PLA2G4A: variants seen among roughly 807,000 people sequenced by gnomAD.
The protein encoded by PLA2G4A is cytosolic phospholipase A2.
A neutral mutation model predicts 81.9 loss-of-function variants in PLA2G4A; 40 were observed. That is an observed-to-expected ratio of 0.49 (90% CI 0.38 to 0.64). The LOEUF (loss-of-function observed/expected upper bound fraction) is 0.64. Ranked by LOEUF, PLA2G4A falls within the 30% of genes least tolerant of loss-of-function variation. The pLI is 0.00. For synonymous variants in PLA2G4A, 302 were observed against 296.9 expected (o/e 1.02, Z -0.18); for missense variants, 715 against 905.1 (o/e 0.79, Z 2.69).
At chr1:186,948,908 C>G (rs921419521) in intron 12 of PLA2G4A, among the ~76,000 whole-genome samples, 1 of 152,132 alleles carries the variant, frequency 6.6e-6, no homozygotes, top group African/African-American at 2.4e-5. Context: ...CAAGAGGACT[C>G]TGAGGACTCC....
intron 8 of PLA2G4A, among the ~76,000 whole-genome samples, chr1:186,934,443 C>CACATATATAT (rs372931067): frequency 1.0e-5 from 1 of 99,564 alleles, no homozygotes; most frequent in Non-Finnish European, 1.9e-5. Flanking sequence ...TAAATGTGCA[C>CACATATATAT]ATATATATAT....
intron 16 of PLA2G4A, among the ~76,000 whole-genome samples, chr1:186,978,509 C>T (rs1657608501): frequency 6.6e-6 from 1 of 151,948 alleles, no homozygotes; most frequent in South Asian, 2.1e-4. Context: ...CTCAGGAAGA[C>T]AAAGAAAGAA....
chr1:186,907,116 CATT>C, intron 6 of PLA2G4A, 114 bp downstream of exon 6: 1 of 654,186 alleles, frequency 1.5e-6, no homozygotes, highest in South Asian at 1.8e-5. Flanking sequence ...TATAGAAGTG[CATT>C]ATGTTTACTT....
intron 3 of PLA2G4A, among the ~76,000 whole-genome samples, chr1:186,891,674 A>G (rs1370141277): frequency 2.0e-5 from 3 of 152,300 alleles, no homozygotes; most frequent in South Asian, 4.1e-4. Context: ...TGTATATGTA[A>G]CACATTTTAT....
At chr1:186,856,253 C>G (rs556195560) in intron 2 of PLA2G4A, among the ~76,000 whole-genome samples, 53 of 151,192 alleles carry the variant, frequency 3.5e-4, no homozygotes, top group African/African-American at 1.2e-3. Flanking sequence ...CTTTAACTAT[C>G]TCAGTAATGT....
At chr1:186,908,066 G>A (rs1054329274) in intron 6 of PLA2G4A, among the ~76,000 whole-genome samples, 1 of 151,872 alleles carries the variant, frequency 6.6e-6, no homozygotes, top group Non-Finnish European at 1.5e-5. Context: ...GTTAATTTAT[G>A]TCAGCTCTAG....
chr1:186,833,537 G>T (rs947401312), intron 1 of PLA2G4A, among the ~76,000 whole-genome samples: 2 of 152,134 alleles, frequency 1.3e-5, no homozygotes, highest in Admixed American at 1.3e-4. Context: ...GGAACCAAAA[G>T]GTTGGTTCTG....
At chr1:186,970,972 G>C (rs1464234076) in intron 15 of PLA2G4A, among the ~76,000 whole-genome samples, 3 of 151,556 alleles carry the variant, frequency 2.0e-5, no homozygotes, top group Non-Finnish European at 3.0e-5. Flanking sequence ...GATAGGGATT[G>C]CATTGGATCT....
chr1:186,838,627 C>A (rs557090100), intron 1 of PLA2G4A, among the ~76,000 whole-genome samples: 1 of 152,260 alleles, frequency 6.6e-6, no homozygotes, highest in East Asian at 1.9e-4. Flanking sequence ...CATTCTGGAA[C>A]CTTTTTTTTC....
intron 15 of PLA2G4A, among the ~76,000 whole-genome samples, chr1:186,974,118 TA>T (rs1480097299): frequency 3.3e-5 from 5 of 151,612 alleles, no homozygotes; most frequent in Admixed American, 1.3e-4. Flanking sequence ...TATATATTTA[TA>T]TTTTTTTACA....
At chr1:186,967,713 GA>G (rs1245792950) in intron 15 of PLA2G4A, among the ~76,000 whole-genome samples, 1 of 152,084 alleles carries the variant, frequency 6.6e-6, no homozygotes, top group Non-Finnish European at 1.5e-5. Flanking sequence ...AATAGGGTGA[GA>G]ACAGCACAGA....
intron 17 of PLA2G4A, among the ~76,000 whole-genome samples, chr1:186,985,626 G>A (rs1166639187): frequency 6.6e-6 from 1 of 152,038 alleles, no homozygotes; most frequent in Non-Finnish European, 1.5e-5. Flanking sequence ...ATGTGGAAGG[G>A]GGATCACATT....
intron 3 of PLA2G4A, among the ~76,000 whole-genome samples, chr1:186,882,271 A>G (rs1052205956): frequency 6.6e-6 from 1 of 152,156 alleles, no homozygotes; most frequent in African/African-American, 2.4e-5. Context: ...CTAGTTGACT[A>G]GGGAAGTGGG....
intron 1 of PLA2G4A, among the ~76,000 whole-genome samples, chr1:186,842,456 T>G (rs1026348944): frequency 3.9e-5 from 6 of 152,182 alleles, no homozygotes; most frequent in Admixed American, 1.3e-4. Context: ...ACTGCTGTGT[T>G]TATGTCATTA....
In PLA2G4A at chr1:186,914,153, A is replaced by C. The variant is rs140185101; in HGVS notation, c.558+2764A>C. 3.1e-3 allele frequency among the ~76,000 whole-genome samples: 466 copies of C among 152,184 alleles called. 1 individual carries two copies. The highest frequency in any genetic ancestry group is 0.011 in the African/African-American group (447 of 41,528). On this transcript the variant is annotated intron_variant, in intron 7 of 17. Transcript: ENST00000367466. ...TGCCCAGGCAGGAGTGCAGTAGCAC[A>C]ATCATAGCTCACTGCATCATCAAAC... is the stretch of plus-strand genomic sequence containing the variant.
chr1:186,924,689 C>T (rs374500050), intron 7 of PLA2G4A, among the ~76,000 whole-genome samples: 2 of 152,084 alleles, frequency 1.3e-5, no homozygotes, highest in East Asian at 3.9e-4. Context: ...CCTCCTGCCT[C>T]GACCTCCCAA....
chr1:186,864,999 A>T (rs1652973350), intron 2 of PLA2G4A, among the ~76,000 whole-genome samples: 1 of 151,218 alleles, frequency 6.6e-6, no homozygotes, highest in South Asian at 2.1e-4. Flanking sequence ...GCTACTTGGG[A>T]GGCTGAGGTC....
At chr1:186,830,608 C>CAAAAAAAAAAAAAAAAAAAAAAAAAA (rs55745208) in intron 1 of PLA2G4A, among the ~76,000 whole-genome samples, 12 of 72,688 alleles carry the variant, frequency 1.7e-4, no homozygotes, top group African/African-American at 2.7e-4. Context: ...AGCTCTGTCT[C>CAAAAAAAAAAAAAAAAAAAAAAAAAA]AAAAAAAAAA....
intron 7 of PLA2G4A, among the ~76,000 whole-genome samples, chr1:186,928,785 A>G (rs1432156985): frequency 6.6e-6 from 1 of 152,236 alleles, no homozygotes; most frequent in Admixed American, 6.5e-5. Flanking sequence ...TACCAGGATA[A>G]TTAAATCAAA....
Sources: allele counts gnomAD v4.1 joint callset (sites outside exome capture counted in the v4.1 genomes callset), GRCh38; gene constraint gnomAD v4.1.1; transcripts MANE v1.5; gene names NCBI Gene and HGNC (gene_info 2026-07-23, HGNC 2026-07-21).